LEMD3: variants seen among roughly 807,000 people sequenced by gnomAD.
The protein encoded by LEMD3 is inner nuclear membrane protein Man1.
Under a neutral mutation model 95.2 loss-of-function variants are expected in LEMD3, and 33 were observed. That is an observed-to-expected ratio of 0.35 (90% CI 0.26 to 0.46). LEMD3 has a LOEUF of 0.46. LEMD3 is among the 20% of genes least tolerant of loss of function. LEMD3 has a pLI of 1.00. For missense variants in LEMD3, 1,210 were observed against 1,192.8 expected (o/e 1.01, Z -0.21); for synonymous variants, 525 against 474.6 (o/e 1.11, Z -1.38).
Position 65,169,769 on chromosome 12 carries a change from G to T in LEMD3, c.173G>T (p.Gly58Val). 1 of 1,583,906 alleles carries T rather than the reference G, an allele frequency of 6.3e-7. No homozygotes were observed. The highest frequency in any genetic ancestry group is 2.3e-5 in the East Asian group (1 of 43,704). ...GAGCAGCAACAGCACCGGTCAGGGG[G>T]CCGCGGCAACAAGACGCGGAACAGT... ...EEEQQQHRSG[G>V]RGNKTRNSNN... The change falls in exon 1 of 13, where the codon GGC becomes GTC. Residue 58 changes from glycine (G) to valine (V), a missense_variant. Physicochemically the swap from Gly to Val is moderately radical, Grantham distance 109. Coordinates refer to ENST00000308330, the MANE Select transcript of LEMD3 (RefSeq NM_014319.5).
chr12:65,185,043 C>G, intron 1 of LEMD3, among the ~76,000 whole-genome samples: 1 of 151,994 alleles, frequency 6.6e-6, no homozygotes, highest in South Asian at 2.1e-4. Context: ...AGTAATTACT[C>G]GGGCCTTGGG....
chr12:65,241,148 G>C, intron 9 of LEMD3, 61 bp downstream of exon 9: 1 of 1,400,752 alleles, frequency 7.1e-7, no homozygotes, highest in Non-Finnish European at 1.0e-6. Flanking sequence ...TGACAAATAT[G>C]TGTTAAGTGA....
chr12:65,223,479 G>GT (rs1281212877), intron 4 of LEMD3, among the ~76,000 whole-genome samples: 6 of 151,556 alleles, frequency 4.0e-5, no homozygotes, highest in African/African-American at 1.5e-4. Flanking sequence ...AATTTTTAAA[G>GT]TTTTTGTAGA....
chr12:65,170,236 G>A lies in LEMD3; in HGVS notation c.640G>A (p.Asp214Asn). ...GPELQTPPGK[D>N]GAVEDEEGEG... ...CGAGCTGCAGACCCCGCCGGGGAAA[G>A]ATGGAGCAGTGGAGGACGAGGAAGG... The change falls in exon 1 of 13, where the codon GAT becomes AAT. Residue 214 changes from aspartate to asparagine, a missense_variant. Asp to Asn is a conservative substitution (Grantham distance 23). Transcript: ENST00000308330. 5 of 1,530,112 alleles carry A rather than the reference G, an allele frequency of 3.3e-6. No individual in the cohort carries two copies. Among genetic ancestry groups the A allele is most frequent in the Non-Finnish European group, 4.4e-6 (5 of 1,136,206 alleles). The allele number at this position is 1,530,112 out of a possible 1,614,324, so 94.8% of individuals were successfully genotyped here. A position where few individuals can be genotyped will look rare whatever the true frequency, so the allele number is the denominator to read the frequency against.
chr12:65,177,372 G>A (rs976898815), intron 1 of LEMD3, among the ~76,000 whole-genome samples: 1 of 152,036 alleles, frequency 6.6e-6, no homozygotes, highest in Admixed American at 6.5e-5. Context: ...TGAGTATAGA[G>A]AATAAGAGAC....
At position 65,241,205 on chromosome 12, in the gene LEMD3, T is replaced by G. The variant is rs559866260; in HGVS notation, c.2305+118T>G. On this transcript the variant is annotated intron_variant, in intron 9 of 12. Coordinates refer to ENST00000308330, the MANE Select transcript of LEMD3 (RefSeq NM_014319.5). ...ATGAAGGCAAAACTCTCTCGTTCTG[T>G]TTCGTAGAAGGAATCAGTGTTAGCT... 8.2e-6 allele frequency: 7 copies of G among 850,046 alleles called. No individual in the cohort carries two copies. In the South Asian group the frequency reaches 1.0e-4, roughly 13 times the overall value. The allele number at this position is 850,046 out of a possible 1,614,324, so 52.7% of individuals were successfully genotyped here.
chr12:65,203,844 T>C (rs935007603), intron 1 of LEMD3, among the ~76,000 whole-genome samples: 1 of 152,228 alleles, frequency 6.6e-6, no homozygotes, highest in Non-Finnish European at 1.5e-5. Context: ...GATATTGTTA[T>C]GTCTTCTTAG....
At chr12:65,199,036 T>A (rs978483801) in intron 1 of LEMD3, among the ~76,000 whole-genome samples, 1 of 152,138 alleles carries the variant, frequency 6.6e-6, no homozygotes, top group African/African-American at 2.4e-5. Context: ...CTTACTTTTG[T>A]CTTTGTGGGA....
chr12:65,222,183 A>G (rs527997277), intron 4 of LEMD3, among the ~76,000 whole-genome samples: 3 of 152,216 alleles, frequency 2.0e-5, no homozygotes, highest in East Asian at 1.9e-4. Context: ...AATTTTGTCA[A>G]ATGCTTTTTC....
chr12:65,245,462 A>G lies in LEMD3; in HGVS notation c.2388-207A>G, dbSNP rs758886893. 1.7e-4 allele frequency: 92 copies of G among 542,674 alleles called. 1 individual carries two copies. The highest frequency in any genetic ancestry group is 1.0e-3 in the Middle Eastern group (2 of 1,930). 33.6% of individuals were successfully genotyped at this position (542,674 alleles called of 1,614,324 possible). ...CCAGCGCTCTGCACTCTTTTACTGG[A>G]AAGTGGGAGGAGGGCTGAGACTTCT... On this transcript the variant is annotated intron_variant, in intron 10 of 12. Coordinates refer to ENST00000308330, the MANE Select transcript of LEMD3 (RefSeq NM_014319.5).
In LEMD3 at chr12:65,201,757, T is replaced by C. The variant is rs1017516226; in HGVS notation, c.1523-9169T>C. Reference sequence around the variant, plus strand: ...AAGTTTTATTTCTTCTTTCAACCTCTGTACTTTTTCTTTCTCTTCTTATTG... The same window carrying C: ...AAGTTTTATTTCTTCTTTCAACCTCCGTACTTTTTCTTTCTCTTCTTATTG... On this transcript the variant is annotated intron_variant, in intron 1 of 12. Transcript: ENST00000308330. Among the ~76,000 whole-genome samples, 7 of 152,288 alleles carry C rather than the reference T, an allele frequency of 4.6e-5. No homozygotes were observed. The East Asian group carries it at 1.4e-3, about 29-fold the overall frequency.
rs373635515 is a variant in LEMD3, at chr12:65,215,724, C to T, written c.1561-253C>T. ...TGATGGAGTTTATTGTCTGTGAGAC[C>T]TTTTTTTTAGCACTAACCTTATGCC... On this transcript the variant is annotated intron_variant, in intron 2 of 12. Coordinates refer to ENST00000308330, the MANE Select transcript of LEMD3 (RefSeq NM_014319.5). Among the ~76,000 whole-genome samples the T allele has an allele frequency of 1.2e-4, 18 of 151,720 alleles. No individual in the cohort carries two copies. In the East Asian group the frequency reaches 3.1e-3, roughly 26 times the overall value.
intron 1 of LEMD3, among the ~76,000 whole-genome samples, chr12:65,195,547 T>C (rs914922979): frequency 2.6e-5 from 4 of 152,138 alleles, no homozygotes; most frequent in African/African-American, 9.6e-5. Context: ...TCATCTTCCC[T>C]AAATTTGCAT....
chr12:65,169,850 C>T lies in LEMD3; in HGVS notation c.254C>T (p.Ala85Val). The change falls in exon 1 of 13, where the codon GCG (alanine) becomes GTG (valine). Residue 85 changes from alanine (A) to valine (V), a missense_variant. Ala to Val is a moderately conservative substitution (Grantham distance 64). This residue lies in a region of LEMD3 where 749 missense variants were observed against 622.9 expected (regional missense o/e 1.20). Transcript: ENST00000308330. ...TVAAAGPAAA[A>V]AAGMGVRPVS... ...GCAGCCGCGGGACCAGCGGCGGCGGCGGCCGCGGGGATGGGGGTCCGGCCG... is the reference window on the plus strand; with the variant it reads ...GCAGCCGCGGGACCAGCGGCGGCGGTGGCCGCGGGGATGGGGGTCCGGCCG... The T allele has an allele frequency of 6.9e-7, 1 of 1,457,704 alleles. No homozygotes were observed. Among genetic ancestry groups the T allele is most frequent in the Non-Finnish European group, 9.1e-7 (1 of 1,101,614 alleles). 90.3% of individuals were successfully genotyped at this position (1,457,704 alleles called of 1,614,324 possible).
intron 1 of LEMD3, among the ~76,000 whole-genome samples, chr12:65,182,402 T>A (rs1414535814): frequency 2.0e-5 from 3 of 152,168 alleles, no homozygotes; most frequent in African/African-American, 7.2e-5. Context: ...TTTAATATTA[T>A]AAGATAGGAC....
intron 1 of LEMD3, among the ~76,000 whole-genome samples, chr12:65,204,709 G>T (rs77080770): frequency 0.013 from 1,911 of 152,168 alleles, 14 homozygotes; most frequent in Non-Finnish European, 0.02. Flanking sequence ...TGATTGGTGG[G>T]TCAAATGGTT....
intron 3 of LEMD3, among the ~76,000 whole-genome samples, chr12:65,217,233 G>A (rs1870137767): frequency 6.6e-6 from 1 of 152,134 alleles, no homozygotes; most frequent in Non-Finnish European, 1.5e-5. Context: ...CAACCACTCA[G>A]TTATGTTATA....
chr12:65,182,576 A>G (rs542534018), intron 1 of LEMD3, among the ~76,000 whole-genome samples: 3 of 152,110 alleles, frequency 2.0e-5, no homozygotes, highest in Admixed American at 1.3e-4. Flanking sequence ...CACGTTACAT[A>G]ATTAGTGCCT....
At chr12:65,198,543 A>G (rs1333225827) in intron 1 of LEMD3, among the ~76,000 whole-genome samples, 1 of 152,146 alleles carries the variant, frequency 6.6e-6, no homozygotes, top group Non-Finnish European at 1.5e-5. Context: ...TTAAGTAGAC[A>G]TATTGCGTTG....
Sources: allele counts gnomAD v4.1 joint callset (sites outside exome capture counted in the v4.1 genomes callset), GRCh38; gene constraint gnomAD v4.1.1; regional missense constraint gnomAD v4.1.1; transcripts MANE v1.5; gene names NCBI Gene and HGNC (gene_info 2026-07-23, HGNC 2026-07-21).